The following LRP1B variants were observed in gnomAD, a reference collection of about 807,000 sequenced individuals.
LRP1B encodes the protein low-density lipoprotein receptor-related protein 1B.
LRP1B carries 217 observed loss-of-function variants against 556.6 expected under a neutral mutation model. The observed-to-expected ratio is 0.39, with a 90% CI of 0.35 to 0.44. The LOEUF (loss-of-function observed/expected upper bound fraction) is 0.44, where lower values mean the gene tolerates loss of function less well. Among genes scored for constraint, LRP1B ranks in the 20% least tolerant of loss-of-function variants. LRP1B has a pLI of 1.00. For synonymous variants in LRP1B, 2,047 were observed against 1,865.8 expected (o/e 1.10, Z -2.50); for missense variants, 5,053 against 5,620.8 (o/e 0.90, Z 3.23).
At chr2:140,233,529 A>AT (rs1285117753) in intron 90 of LRP1B, among the ~76,000 whole-genome samples, 1 of 151,220 alleles carries the variant, frequency 6.6e-6, no homozygotes, top group East Asian at 2.0e-4. Flanking sequence ...ATGAAACATA[A>AT]TTTTACATTT....
intron 42 of LRP1B, among the ~76,000 whole-genome samples, chr2:140,601,075 G>T (rs1460472879): frequency 1.0e-5 from 1 of 97,064 alleles, no homozygotes. Flanking sequence ...ATAATTACTT[G>T]ATTAAAATGC....
At chr2:140,438,676 T>C (rs1213783465) in intron 66 of LRP1B, among the ~76,000 whole-genome samples, 1 of 152,232 alleles carries the variant, frequency 6.6e-6, no homozygotes. Context: ...CCCTAGTTAG[T>C]GTGATTATAG....
intron 3 of LRP1B, among the ~76,000 whole-genome samples, chr2:141,254,988 A>G (rs918832974): frequency 4.6e-5 from 7 of 151,990 alleles, no homozygotes; most frequent in Non-Finnish European, 8.8e-5. Context: ...ACATCAATTG[A>G]TTTTCTAGCT....
At chr2:141,208,848 A>G (rs13399783) in intron 6 of LRP1B, among the ~76,000 whole-genome samples, 44,560 of 115,174 alleles carry the variant, frequency 0.39, 9,706 homozygotes, top group East Asian at 0.71. Context: ...CAACCTGGGC[A>G]ATAAAGCGAG....
intron 3 of LRP1B, among the ~76,000 whole-genome samples, chr2:141,425,538 A>G (rs1680329612): frequency 6.7e-6 from 1 of 149,866 alleles, no homozygotes; most frequent in Non-Finnish European, 1.5e-5. Context: ...TCCCACCAAC[A>G]GTGTAAAAGT....
chr2:140,324,105 A>G (rs1336495630), intron 80 of LRP1B, 39 bp from the exon 81 acceptor site: 31 of 1,272,738 alleles, frequency 2.4e-5, no homozygotes, highest in Non-Finnish European at 3.3e-5. Flanking sequence ...GTTTTAATGT[A>G]TATACTCAGA....
chr2:141,137,221 C>T (rs531551994), intron 7 of LRP1B, among the ~76,000 whole-genome samples: 166 of 151,966 alleles, frequency 1.1e-3, no homozygotes, highest in African/African-American at 3.9e-3. Flanking sequence ...GGAACATCGG[C>T]CTAATAGACT....
At chr2:140,309,339 C>T (rs1331022057) in intron 83 of LRP1B, among the ~76,000 whole-genome samples, 2 of 151,748 alleles carry the variant, frequency 1.3e-5, no homozygotes, top group African/African-American at 4.8e-5. Flanking sequence ...CTTCTATATA[C>T]TTCTAGAAGG....
chr2:140,706,453 AT>A (rs1574263808), intron 37 of LRP1B, among the ~76,000 whole-genome samples: 1 of 152,196 alleles, frequency 6.6e-6, no homozygotes, highest in African/African-American at 2.4e-5. Flanking sequence ...AAACTAAAAA[AT>A]GTTCTTTATT....
Position 140,283,920 on chromosome 2 carries a change from A to T in LRP1B, c.12968-9322T>A, listed in dbSNP as rs188491640. ...ATGGTAAAGTCATCTGAGACTTGTG[A>T]GCAAGCTGAGTTGCAGATGACAGCT... is the stretch of plus-strand genomic sequence containing the variant. On this transcript the variant is annotated intron_variant, in intron 84 of 90. Transcript: ENST00000389484. Among the ~76,000 whole-genome samples the T allele has an allele frequency of 2.6e-5, 4 of 151,844 alleles. No individual in the cohort carries two copies. The East Asian group carries it at 7.8e-4, about 30-fold the overall frequency.
In LRP1B at chr2:140,252,072, A is replaced by AAAAAG. The variant is rs1553482246; in HGVS notation, c.13248-4911_13248-4910insCTTTT. ...TAGCATGACAAGATGCAAAAAAAAA[A>AAAAAG]AAAAAAAAAAAAAAAAACCCAAAAA... On this transcript the variant is annotated intron_variant, in intron 86 of 90. Transcript: ENST00000389484. Among the ~76,000 whole-genome samples, 105 of 120,438 alleles carry AAAAAG rather than the reference A, an allele frequency of 8.7e-4. 4 individuals are homozygous for AAAAAG. Among genetic ancestry groups the AAAAAG allele is most frequent in the African/African-American group, 3.3e-3 (103 of 31,042 alleles). 79.0% of individuals were successfully genotyped at this position (120,438 alleles called of 152,430 possible).
chr2:142,128,433 T>G (rs571763387), intron 1 of LRP1B, among the ~76,000 whole-genome samples: 2 of 152,362 alleles, frequency 1.3e-5, no homozygotes, highest in East Asian at 1.9e-4. Context: ...TTACATCTCA[T>G]TAACCTCTTT....
At chr2:141,641,942 A>G (rs1052822698) in intron 2 of LRP1B, among the ~76,000 whole-genome samples, 1 of 152,192 alleles carries the variant, frequency 6.6e-6, no homozygotes, top group Non-Finnish European at 1.5e-5. Context: ...CAACATGGAA[A>G]ATCATTTTGG....
At chr2:141,323,921 C>CCACACACACACACACACA (rs57844457) in intron 3 of LRP1B, among the ~76,000 whole-genome samples, 1 of 129,900 alleles carries the variant, frequency 7.7e-6, no homozygotes, top group Non-Finnish European at 1.6e-5. Flanking sequence ...AACGAGGAAA[C>CCACACACACACACACACA]CACACACACA....
chr2:140,932,963 A>G (rs1157237366), intron 20 of LRP1B, among the ~76,000 whole-genome samples: 1 of 151,494 alleles, frequency 6.6e-6, no homozygotes, highest in Non-Finnish European at 1.5e-5. Flanking sequence ...ACATATACAC[A>G]TATATATGTA....
Position 141,059,009 on chromosome 2 carries a change from C to T in LRP1B, c.1282G>A (p.Ala428Thr), listed in dbSNP as rs966289833. Residue 428 changes from alanine to threonine, a missense_variant, in exon 9 of 91, where the codon GCA becomes ACA. Coordinates refer to ENST00000389484, the MANE Select transcript of LRP1B (RefSeq NM_018557.3). ...ATATTGTAGTTATCAGAATTGGTTGCATACAAATAATCTTCAAACACAGTT... is the reference window on the plus strand; with the variant it reads ...ATATTGTAGTTATCAGAATTGGTTGTATACAAATAATCTTCAAACACAGTT... ...GITVFEDYLY[A>T]TNSDNYNIVR... 1 of 1,587,646 alleles carries T rather than the reference C, an allele frequency of 6.3e-7. No individual in the cohort carries two copies. Among genetic ancestry groups the T allele is most frequent in the African/African-American group, 1.4e-5 (1 of 73,840 alleles).
chr2:141,973,630 T>C (rs898508985), intron 1 of LRP1B, among the ~76,000 whole-genome samples: 1 of 151,900 alleles, frequency 6.6e-6, no homozygotes, highest in Non-Finnish European at 1.5e-5. Context: ...TTTCATCTTA[T>C]AGCTTGATTC....
At chr2:141,030,584 T>C (rs755284087) in intron 11 of LRP1B, among the ~76,000 whole-genome samples, 42 of 152,102 alleles carry the variant, frequency 2.8e-4, no homozygotes, top group Non-Finnish European at 3.7e-4. Context: ...ATGCTGGGGA[T>C]AGGAGTGCAT....
intron 66 of LRP1B, among the ~76,000 whole-genome samples, chr2:140,411,236 AATTC>A (rs1166550805): frequency 6.6e-6 from 1 of 152,118 alleles, no homozygotes; most frequent in Admixed American, 6.6e-5. Flanking sequence ...TATTTTATTG[AATTC>A]ATTATTTTAA....
Sources: allele counts gnomAD v4.1 joint callset (sites outside exome capture counted in the v4.1 genomes callset), GRCh38; gene constraint gnomAD v4.1.1; transcripts MANE v1.5; gene names NCBI Gene and HGNC (gene_info 2026-07-23, HGNC 2026-07-21).